TMEM131L: variants seen among roughly 807,000 people sequenced by gnomAD.
TMEM131L encodes transmembrane protein 131-like.
A neutral mutation model predicts 192.2 loss-of-function variants in TMEM131L; 54 were observed. The ratio of observed to expected loss-of-function variants is 0.28; its 90% CI spans 0.23 to 0.35. TMEM131L has a LOEUF of 0.35. Ranked by LOEUF, TMEM131L falls within the 10% of genes least tolerant of loss-of-function variation. TMEM131L has a pLI of 1.00. For missense variants in TMEM131L, 1,888 were observed against 1,972.9 expected (o/e 0.96, Z 0.82); for synonymous variants, 701 against 704.9 (o/e 0.99, Z 0.09).
Position 153,598,679 on chromosome 4 carries a change from G to A in TMEM131L, c.2213G>A (p.Gly738Glu). 5 of 1,614,020 alleles carry A rather than the reference G, an allele frequency of 3.1e-6. No individual in the cohort carries two copies. Among genetic ancestry groups the A allele is most frequent in the Non-Finnish European group, 4.2e-6 (5 of 1,179,958 alleles). The change falls in exon 21 of 35, where the codon GGA becomes GAA. Residue 738 changes from glycine to glutamate, a missense_variant. Transcript: ENST00000409959. ...GTGGGTGGAAGACTTCCTGGTGCAG[G>A]AGGCTCACTCCGATTTAAGGTGCCC... ...LKVGGRLPGAGGSLRFKVPES... is the reference protein window; with the variant it reads ...LKVGGRLPGAEGSLRFKVPES...
At chr4:153,608,583 A>G (rs948969399) in intron 25 of TMEM131L, among the ~76,000 whole-genome samples, 15 of 152,220 alleles carry the variant, frequency 9.9e-5, no homozygotes, top group African/African-American at 3.6e-4. Flanking sequence ...ATTAAATTTG[A>G]TAATAGCTCA....
At chr4:153,629,599 C>T (rs556065481) in intron 31 of TMEM131L, among the ~76,000 whole-genome samples, 1 of 152,152 alleles carries the variant, frequency 6.6e-6, no homozygotes, top group Non-Finnish European at 1.5e-5. Context: ...TGTGAGTTGC[C>T]CATTCAAATT....
intron 7 of TMEM131L, among the ~76,000 whole-genome samples, chr4:153,576,989 T>C (rs1252856939): frequency 6.6e-6 from 1 of 152,152 alleles, no homozygotes; most frequent in African/African-American, 2.4e-5. Flanking sequence ...CTGGCGTAGG[T>C]AGACCTTGAC....
chr4:153,619,847 A>T (rs973289247), intron 26 of TMEM131L, among the ~76,000 whole-genome samples: 1 of 152,192 alleles, frequency 6.6e-6, no homozygotes, highest in African/African-American at 2.4e-5. Context: ...GTCAGTAGGA[A>T]GGGGACTCTT....
chr4:153,532,661 T>G (rs896795410), intron 3 of TMEM131L, among the ~76,000 whole-genome samples: 3 of 152,168 alleles, frequency 2.0e-5, no homozygotes, highest in South Asian at 2.1e-4. Context: ...TTTTCTTTTT[T>G]TTTTAAGTGG....
intron 3 of TMEM131L, among the ~76,000 whole-genome samples, chr4:153,486,345 T>C (rs1732329271): frequency 6.6e-6 from 1 of 152,276 alleles, no homozygotes; most frequent in Non-Finnish European, 1.5e-5. Flanking sequence ...GTGGAACACA[T>C]GCCATTGTAA....
At chr4:153,545,398 C>T (rs991950279) in intron 3 of TMEM131L, among the ~76,000 whole-genome samples, 1 of 151,750 alleles carries the variant, frequency 6.6e-6, no homozygotes, top group African/African-American at 2.4e-5. Flanking sequence ...CGCCATTCTC[C>T]TGCCTCAGCC....
chr4:153,469,268 T>C (rs531170803), intron 2 of TMEM131L, among the ~76,000 whole-genome samples: 1 of 147,372 alleles, frequency 6.8e-6, no homozygotes, highest in Non-Finnish European at 1.5e-5. Flanking sequence ...GTATACCTTT[T>C]AGAAACTATC....
At chr4:153,544,349 G>A (rs530888935) in intron 3 of TMEM131L, among the ~76,000 whole-genome samples, 1 of 152,234 alleles carries the variant, frequency 6.6e-6, no homozygotes, top group Non-Finnish European at 1.5e-5. Flanking sequence ...CAAGAGCTGA[G>A]TAAACCCTTA....
At chr4:153,607,163 G>A (rs1282560713) in intron 25 of TMEM131L, among the ~76,000 whole-genome samples, 1 of 152,102 alleles carries the variant, frequency 6.6e-6, no homozygotes, top group East Asian at 1.9e-4. Flanking sequence ...TAAGGGTTTG[G>A]GGCTCTGTTG....
At chr4:153,556,891 A>G (rs569117871) in intron 5 of TMEM131L, 75 bp from the exon 6 acceptor site, 1 of 737,832 alleles carries the variant, frequency 1.4e-6, no homozygotes, top group Non-Finnish European at 2.4e-6. Context: ...GAAATTGTCA[A>G]AAAAAGAAAG....
intron 3 of TMEM131L, among the ~76,000 whole-genome samples, chr4:153,546,377 A>G (rs1432976014): frequency 6.6e-6 from 1 of 152,186 alleles, no homozygotes; most frequent in Non-Finnish European, 1.5e-5. Context: ...TTTGACATAC[A>G]TGAATCATTA....
At position 153,555,910 on chromosome 4, in the gene TMEM131L, G is replaced by A. The variant is rs1196531137; in HGVS notation, c.432G>A (p.Arg144=). Residue 144 remains arginine, a splice_region_variant and synonymous_variant, in exon 5 of 35, where the codon AGG becomes AGA. Transcript: ENST00000409959. This position sits in a 1 kb window ranked among gnomAD's most constrained non-coding sequence, Gnocchi z 4.1. ...TCCATGTACCGCCAGTTCCCTGCAG[G>A]GTGGGTGTTGATGGACTCCTGGAAA... The part of the protein sequence containing the change: ...GHFHVPPVPC[R]VIPAMGKTSF... The A allele has an allele frequency of 6.4e-7, 1 of 1,551,210 alleles. No homozygotes were observed.
intron 3 of TMEM131L, among the ~76,000 whole-genome samples, 183 bp from the exon 4 acceptor site, chr4:153,549,890 A>G (rs528914212): frequency 1.3e-5 from 2 of 152,354 alleles, no homozygotes; most frequent in African/African-American, 4.8e-5. Flanking sequence ...GTAATCTTAA[A>G]TTATCTTAAG....
intron 3 of TMEM131L, among the ~76,000 whole-genome samples, chr4:153,486,123 C>G (rs1386310076): frequency 1.3e-5 from 2 of 151,962 alleles, no homozygotes; most frequent in Non-Finnish European, 2.9e-5. Flanking sequence ...TTCTTAGGCC[C>G]TAGTATTATA....
At chr4:153,500,031 ACCTT>A (rs113621025) in intron 3 of TMEM131L, among the ~76,000 whole-genome samples, 7,034 of 148,474 alleles carry the variant, frequency 0.047, 221 homozygotes, top group Admixed American at 0.077. Context: ...GTCAGAACCA[ACCTT>A]CCTTCCTCCC....
intron 6 of TMEM131L, 118 bp downstream of exon 6, chr4:153,557,200 A>G: frequency 1.5e-6 from 1 of 651,456 alleles, no homozygotes; most frequent in South Asian, 1.8e-5. Context: ...TCGTTAAAAT[A>G]CAAGACTGTT....
Position 153,634,276 on chromosome 4 carries a change from A to C in TMEM131L, c.4413A>C (p.Pro1471=). The change falls in exon 33 of 35, where the codon CCA becomes CCC. Residue 1471 remains proline (P), a synonymous_variant. Transcript: ENST00000409959. ...PLELNDYNAF[P]EENMNYANGF... is the part of the protein sequence containing the mutation. ...AATTGAACGATTACAATGCCTTTCCAGAAGGTAAGGGCTCTTCAGACAATC... is the reference window on the plus strand; with the variant it reads ...AATTGAACGATTACAATGCCTTTCCCGAAGGTAAGGGCTCTTCAGACAATC... 1 of 1,611,654 alleles carries C rather than the reference A, an allele frequency of 6.2e-7. No individual in the cohort carries two copies. The highest frequency in any genetic ancestry group is 2.2e-5 in the East Asian group (1 of 44,868).
intron 26 of TMEM131L, among the ~76,000 whole-genome samples, chr4:153,620,533 G>A (rs180846886): frequency 1.3e-5 from 2 of 152,174 alleles, no homozygotes; most frequent in African/African-American, 4.8e-5. Flanking sequence ...AGCCTCTTAG[G>A]AATTTTATAG....
Sources: gnomAD v4.1 joint callset for allele counts (sites outside exome capture counted in the v4.1 genomes callset) on GRCh38, gnomAD v4.1.1 for gene constraint, Gnocchi (gnomAD v3.1) non-coding constraint, MANE v1.5 for transcripts, NCBI Gene and HGNC (gene_info 2026-07-23, HGNC 2026-07-21) for gene names.